The following EDA2R variants were observed in gnomAD, a reference collection of about 807,000 sequenced individuals.
EDA2R encodes the protein ectodysplasin A2 receptor, also known as tumor necrosis factor receptor superfamily member 27.
A neutral mutation model predicts 20.1 loss-of-function variants in EDA2R; 26 were observed. That is an observed-to-expected ratio of 1.30 (90% CI 0.95 to 1.80). The LOEUF (loss-of-function observed/expected upper bound fraction) is 1.80. Ranked by LOEUF, EDA2R falls within the 40% of genes most tolerant of loss-of-function variation. EDA2R has a pLI of 0.00. For missense variants in EDA2R, 277 were observed against 228.7 expected, an observed-to-expected ratio of 1.21 and a Z score of -1.36; for synonymous variants, 114 against 88.7, an observed-to-expected ratio of 1.29 and a Z score of -1.60.
intron 1 of EDA2R, among the ~76,000 whole-genome samples, chrX:66,620,863 C>T (rs1045690946): frequency 3.8e-5 from 4 of 104,925 alleles, no homozygotes; most frequent in Admixed American, 1.1e-4. Flanking sequence ...CACTCTAAGA[C>T]TTACAAATGG....
In EDA2R at chrX:66,602,885, C is replaced by T. The variant is rs1352578906; in HGVS notation, c.353-88G>A. The T allele has an allele frequency of 6.7e-6, 6 of 891,893 alleles. No homozygotes were observed. In the Admixed American group the frequency reaches 2.2e-4, roughly 33 times the overall value. 73.5% of individuals were successfully genotyped at this position (891,893 alleles called of 1,213,427 possible). Reference sequence around the variant, plus strand: ...GGACCTGGACTTCCTCAGGCTGTCACCCTTCTCCCTAGGGCCTTCCCCAAT... The same window carrying T: ...GGACCTGGACTTCCTCAGGCTGTCATCCTTCTCCCTAGGGCCTTCCCCAAT... On this transcript the variant is annotated intron_variant, in intron 4 of 6. Transcript: ENST00000374719.
intron 2 of EDA2R, among the ~76,000 whole-genome samples, chrX:66,614,027 T>C (rs193227346): frequency 2.4e-3 from 266 of 111,263 alleles, no homozygotes; most frequent in Admixed American, 4.8e-3. Flanking sequence ...CCCATTCTCA[T>C]TGGCCAGATA....
rs190538880 is a variant in EDA2R, at chrX:66,600,088, C to T, written c.518-228G>A. ...CTGGTACTGGATCAGAGAAAATAAT[C>T]AATTTCTCTAGAGAAAAAGAAACCT... On this transcript the variant is annotated intron_variant, in intron 5 of 6. Transcript: ENST00000374719. The T allele has an allele frequency of 5.8e-3, 6,628 of 1,152,538 alleles. 17 individuals carry two copies. The highest frequency in any genetic ancestry group is 7.5e-3 in the South Asian group (378 of 50,554). 95.0% of individuals were successfully genotyped at this position (1,152,538 alleles called of 1,213,427 possible). A position where few individuals can be genotyped will look rare whatever the true frequency, so the allele number is the denominator to read the frequency against.
At chrX:66,621,058 C>A (rs1932534866) in intron 1 of EDA2R, among the ~76,000 whole-genome samples, 1 of 109,509 alleles carries the variant, frequency 9.1e-6, no homozygotes, top group African/African-American at 3.3e-5. Context: ...AGGTGGATCA[C>A]CTGAGGTCAA....
chrX:66,619,455 G>C (rs1932241791), intron 1 of EDA2R, among the ~76,000 whole-genome samples: 1 of 111,870 alleles, frequency 8.9e-6, no homozygotes, highest in African/African-American at 3.3e-5. Flanking sequence ...ATGTTATTAT[G>C]GACTTTATGA....
rs729021 is a variant in EDA2R at position 66,600,128 on chromosome X, A to G, written c.518-268T>C. On this transcript the variant is annotated intron_variant, in intron 5 of 6. Coordinates refer to ENST00000374719, the MANE Select transcript of EDA2R (RefSeq NM_021783.5). ...AAAAGAAACCTTTGTGGGAAACAGGATTTTGATACCATCTCCCTTGCCATA... is the reference window on the plus strand; with the variant it reads ...AAAAGAAACCTTTGTGGGAAACAGGGTTTTGATACCATCTCCCTTGCCATA... 0.014 allele frequency: 14,993 copies of G among 1,057,032 alleles called. 1,221 individuals carry two copies. In the African/African-American group the frequency reaches 0.25, roughly 17 times the overall value. 87.1% of individuals were successfully genotyped at this position (1,057,032 alleles called of 1,213,427 possible).
At position 66,615,919 on chromosome X, in the gene EDA2R, A is replaced by C. The variant is rs762170541; in HGVS notation, c.87+15T>G. The C allele has an allele frequency of 8.4e-7, 1 of 1,193,893 alleles. No homozygotes were observed. Among genetic ancestry groups the C allele is most frequent in the Non-Finnish European group, 1.1e-6 (1 of 880,279 alleles). On this transcript the variant is annotated intron_variant, in intron 2 of 6. Transcript: ENST00000374719. ...AGATGCAACAGAAATAAGTGTACTG[A>C]ATAGGATAACTTACCTTGGATAGCT... is the stretch of plus-strand genomic sequence containing the variant.
chrX:66,615,733 A>G (rs1931559065), intron 2 of EDA2R, among the ~76,000 whole-genome samples: 1 of 111,395 alleles, frequency 9.0e-6, no homozygotes, highest in African/African-American at 3.3e-5. Context: ...TCTCATGGAA[A>G]CTTCCCTTGA....
At chrX:66,626,871 G>T (rs937615382) in intron 1 of EDA2R, among the ~76,000 whole-genome samples, 7 of 106,618 alleles carry the variant, frequency 6.6e-5, no homozygotes, top group African/African-American at 2.4e-4. Flanking sequence ...AAGTGTAAAA[G>T]CACCAGGTAA....
intron 1 of EDA2R, among the ~76,000 whole-genome samples, chrX:66,631,735 A>G (rs1281247280): frequency 8.9e-6 from 1 of 111,816 alleles, no homozygotes; most frequent in Non-Finnish European, 1.9e-5. Context: ...AGTGAAGACA[A>G]ACAGAATGAC....
chrX:66,616,407 G>A (rs772037563), intron 1 of EDA2R, among the ~76,000 whole-genome samples: 1 of 111,764 alleles, frequency 8.9e-6, no homozygotes, highest in Non-Finnish European at 1.9e-5. Context: ...CTGCCCAGGG[G>A]GTAAAGAATA....
At chrX:66,606,030 C>G (rs934137106) in intron 2 of EDA2R, among the ~76,000 whole-genome samples, 7 of 111,444 alleles carry the variant, frequency 6.3e-5, no homozygotes, top group Admixed American at 4.8e-4. Context: ...TTCCTTCCCC[C>G]CGACCCCCAG....
rs1207713932 is a variant in EDA2R at position 66,602,698 on chromosome X, G to A, written c.452C>T (p.Thr151Ile). The part of the protein sequence containing the change: ...ALVSSLLVVF[T>I]LAFLGLFFLY... ...GAAGAAGAGCCCCAGGAAGGCCAGG[G>A]TAAACACCACTAGCAGGCTGCTCAC... The change falls in exon 5 of 7, where the codon ACC becomes ATC. Residue 151 changes from threonine (T) to isoleucine (I), a missense_variant. Coordinates refer to ENST00000374719, the MANE Select transcript of EDA2R (RefSeq NM_021783.5). 1 of 1,201,795 alleles carries A rather than the reference G, an allele frequency of 8.3e-7. No individual in the cohort carries two copies. The highest frequency in any genetic ancestry group is 1.1e-6 in the Non-Finnish European group (1 of 890,172).
rs994653668 is a variant in EDA2R, at chrX:66,595,724, C to T, written c.*2380G>A. The T allele has an allele frequency of 8.9e-6, 1 of 112,038 alleles. No individual in the cohort carries two copies. Among genetic ancestry groups the T allele is most frequent in the Non-Finnish European group, 1.9e-5 (1 of 53,111 alleles). 9.2% of individuals were successfully genotyped at this position (112,038 alleles called of 1,213,427 possible). On this transcript the variant is annotated 3_prime_UTR_variant, in exon 7 of 7. Coordinates refer to ENST00000374719, the MANE Select transcript of EDA2R (RefSeq NM_021783.5). ...ATAGCCCTGCCAGTATCTACACATG[C>T]ATATGGCTCAAGAGTTAACAAAATT...
At chrX:66,630,422 A>T (rs1311162985) in intron 1 of EDA2R, among the ~76,000 whole-genome samples, 5 of 111,625 alleles carry the variant, frequency 4.5e-5, no homozygotes, top group Non-Finnish European at 9.4e-5. Flanking sequence ...GGGTGGGAGA[A>T]AATCTGCACA....
intron 1 of EDA2R, among the ~76,000 whole-genome samples, chrX:66,628,394 CA>C (rs750744958): frequency 4.5e-5 from 5 of 110,021 alleles, no homozygotes; most frequent in Non-Finnish European, 9.5e-5. Context: ...ATAAATAAAA[CA>C]AAAAGCTGGT....
At position 66,605,229 on chromosome X, in the gene EDA2R, G is replaced by C; in HGVS notation, c.88-3C>G. On this transcript the variant is annotated splice_polypyrimidine_tract_variant and splice_region_variant and intron_variant, in intron 2 of 6. Transcript: ENST00000374719. ...CCACCCTCTCCATAACCACAATCCT[G>C]TAGACAGATGGGGGTTGTTAATATT... 8.3e-7 allele frequency: 1 copy of C among 1,198,183 alleles called. No individual in the cohort carries two copies. Among genetic ancestry groups the C allele is most frequent in the Non-Finnish European group, 1.1e-6 (1 of 888,889 alleles).
At chrX:66,610,101 A>G (rs1930453437) in intron 2 of EDA2R, among the ~76,000 whole-genome samples, 1 of 111,640 alleles carries the variant, frequency 9.0e-6, no homozygotes, top group Non-Finnish European at 1.9e-5. Context: ...CAAATAATGA[A>G]CTAGTAAAAA....
chrX:66,599,416 A>G (rs1928080299), intron 6 of EDA2R, 58 bp downstream of exon 6: 2 of 1,041,179 alleles, frequency 1.9e-6, no homozygotes, highest in Non-Finnish European at 1.3e-6. Context: ...CCTTGAGGTT[A>G]GTCCTTAATT....
Sources: allele counts gnomAD v4.1 joint callset (sites outside exome capture counted in the v4.1 genomes callset), GRCh38; gene constraint gnomAD v4.1.1; transcripts MANE v1.5; gene names NCBI Gene and HGNC (gene_info 2026-07-23, HGNC 2026-07-21).